The following UBE2E1 variants were observed in gnomAD, a reference collection of about 807,000 sequenced individuals.
UBE2E1 encodes the protein ubiquitin conjugating enzyme E2 E1.
Under a neutral mutation model 21.4 loss-of-function variants are expected in UBE2E1, and 6 were observed. That is an observed-to-expected ratio of 0.28 (90% confidence interval 0.15 to 0.55). The LOEUF (loss-of-function observed/expected upper bound fraction) is 0.55, where lower values mean the gene tolerates loss of function less well. UBE2E1 is among the 20% of genes least tolerant of loss of function. The pLI is 0.93. For missense variants in UBE2E1, 142 were observed against 236.5 expected, an observed-to-expected ratio of 0.60 and a Z score of 2.62; for synonymous variants, 87 against 82.7, an observed-to-expected ratio of 1.05 and a Z score of -0.28.
At chr3:23,884,001 C>T (rs1026504233) in intron 3 of UBE2E1, among the ~76,000 whole-genome samples, 7 of 152,050 alleles carry the variant, frequency 4.6e-5, no homozygotes, top group African/African-American at 1.7e-4. Flanking sequence ...TGAGGGCCCA[C>T]AGGTTAGGGA....
At chr3:23,815,070 T>A (rs1319122744) in intron 3 of UBE2E1, among the ~76,000 whole-genome samples, 2 of 152,160 alleles carry the variant, frequency 1.3e-5, no homozygotes, top group Non-Finnish European at 2.9e-5. Context: ...AGCCTTGACC[T>A]CCTGGGCTTA....
intron 3 of UBE2E1, among the ~76,000 whole-genome samples, chr3:23,874,432 G>A (rs1575033505): frequency 6.6e-6 from 1 of 152,330 alleles, no homozygotes; most frequent in Non-Finnish European, 1.5e-5. Context: ...AGAAGAGTCA[G>A]TTGTGCCCTG....
chr3:23,810,325 G>A lies in UBE2E1; in HGVS notation c.153-1135G>A, dbSNP rs1010640945. The A allele has an allele frequency of 2.9e-6, 3 of 1,048,416 alleles. No homozygotes were observed. Among genetic ancestry groups the A allele is most frequent in the Non-Finnish European group, 4.2e-6 (3 of 710,900 alleles). 64.9% of individuals were successfully genotyped at this position (1,048,416 alleles called of 1,614,324 possible). A position where few individuals can be genotyped will look rare whatever the true frequency, so the allele number is the denominator to read the frequency against. On this transcript the variant is annotated intron_variant, in intron 2 of 5. Transcript: ENST00000306627. This position sits in a 1 kb window ranked among gnomAD's most constrained non-coding sequence, Gnocchi z 5.8. The stretch of plus-strand genomic sequence containing the variant: ...ATTGATGCTCTAAGTGCCTAGGTAA[G>A]CAAAAGACAAAGGCCAGGGCTTGGT...
chr3:23,856,669 A>C (rs537827289), intron 3 of UBE2E1, among the ~76,000 whole-genome samples: 9 of 152,272 alleles, frequency 5.9e-5, no homozygotes, highest in East Asian at 3.9e-4. Flanking sequence ...ATACCACTCC[A>C]ATGGGAACTC....
At chr3:23,875,129 A>G (rs555163719) in intron 3 of UBE2E1, among the ~76,000 whole-genome samples, 4 of 152,162 alleles carry the variant, frequency 2.6e-5, no homozygotes, top group Non-Finnish European at 4.4e-5. Flanking sequence ...ATTTTTTTCA[A>G]TATTGGAATG....
At position 23,883,207 on chromosome 3, in the gene UBE2E1, A is replaced by G. The variant is rs578230221; in HGVS notation, c.204-4360A>G. ...TACCATTCTATGGTACACTTCAACC[A>G]GTATTTAAAATTAAAGTTGTATTTC... On this transcript the variant is annotated intron_variant, in intron 3 of 5. Coordinates refer to ENST00000306627, the MANE Select transcript of UBE2E1 (RefSeq NM_003341.5). Among the ~76,000 whole-genome samples, 13 of 152,338 alleles carry G rather than the reference A, an allele frequency of 8.5e-5. No homozygotes were observed. In the South Asian group the frequency reaches 2.3e-3, roughly 27 times the overall value.
chr3:23,881,855 C>T (rs561978212), intron 3 of UBE2E1, among the ~76,000 whole-genome samples: 2 of 152,234 alleles, frequency 1.3e-5, no homozygotes, highest in African/African-American at 4.8e-5. Flanking sequence ...CTGGTGGGTT[C>T]GTGGTCTCGC....
At chr3:23,857,529 G>T (rs987173547) in intron 3 of UBE2E1, among the ~76,000 whole-genome samples, 5 of 152,186 alleles carry the variant, frequency 3.3e-5, no homozygotes, top group African/African-American at 1.2e-4. Flanking sequence ...CTTTTGGGTT[G>T]CCTGTCAGAC....
At chr3:23,868,871 C>T (rs1700714672) in intron 3 of UBE2E1, among the ~76,000 whole-genome samples, 1 of 152,160 alleles carries the variant, frequency 6.6e-6, no homozygotes, top group Non-Finnish European at 1.5e-5. Flanking sequence ...TTGTTTCTTT[C>T]AATCCTTCTG....
intron 3 of UBE2E1, among the ~76,000 whole-genome samples, chr3:23,884,822 T>G (rs927833187): frequency 6.6e-6 from 1 of 152,218 alleles, no homozygotes; most frequent in African/African-American, 2.4e-5. Context: ...TGGTTCCTCA[T>G]CTGTAAAAAG....
At chr3:23,822,241 G>A (rs1247896668) in intron 3 of UBE2E1, among the ~76,000 whole-genome samples, 1 of 152,134 alleles carries the variant, frequency 6.6e-6, no homozygotes, top group East Asian at 1.9e-4. Context: ...TGTCAAACCT[G>A]GTTTAGAGGA....
At chr3:23,886,588 A>G (rs185545638) in intron 3 of UBE2E1, among the ~76,000 whole-genome samples, 34 of 152,186 alleles carry the variant, frequency 2.2e-4, no homozygotes, top group African/African-American at 7.9e-4. Flanking sequence ...CAAAAGAAAA[A>G]CCTGTGATGG....
chr3:23,818,747 T>C (rs978587850), intron 3 of UBE2E1, among the ~76,000 whole-genome samples: 5 of 152,120 alleles, frequency 3.3e-5, no homozygotes, highest in Non-Finnish European at 5.9e-5. Context: ...GTTTGGGTGA[T>C]GTTAAAGTGC....
At chr3:23,868,220 C>T (rs1700698219) in intron 3 of UBE2E1, among the ~76,000 whole-genome samples, 1 of 152,188 alleles carries the variant, frequency 6.6e-6, no homozygotes, top group African/African-American at 2.4e-5. Flanking sequence ...TAGTATCCCC[C>T]CCACCTTTCC....
chr3:23,806,219 G>C lies in UBE2E1; in HGVS notation c.-34+131G>C, dbSNP rs1049483512. ...GCAGGGCACGGGGCCGGCGCGGGGG[G>C]GGAGCGGAGAGGGGCTGGGGAGCCC... is the stretch of plus-strand genomic sequence containing the variant. On this transcript the variant is annotated intron_variant, in intron 1 of 5. Transcript: ENST00000306627. The surrounding 1 kb of genome is among the most constrained non-coding windows in gnomAD (Gnocchi z 6.5). 2 of 148,668 alleles carry C rather than the reference G, an allele frequency of 1.3e-5. No individual in the cohort carries two copies. The highest frequency in any genetic ancestry group is 3.0e-5 in the Non-Finnish European group (2 of 66,712). 9.2% of individuals were successfully genotyped at this position (148,668 alleles called of 1,614,324 possible). A position where few individuals can be genotyped will look rare whatever the true frequency, so the allele number is the denominator to read the frequency against.
chr3:23,810,378 G>A lies in UBE2E1; in HGVS notation c.153-1082G>A. The A allele has an allele frequency of 6.6e-7, 1 of 1,512,020 alleles. No homozygotes were observed. 93.7% of individuals were successfully genotyped at this position (1,512,020 alleles called of 1,614,324 possible). On this transcript the variant is annotated intron_variant, in intron 2 of 5. Transcript: ENST00000306627. This position sits in a 1 kb window ranked among gnomAD's most constrained non-coding sequence, Gnocchi z 5.8. Reference sequence around the variant, plus strand: ...GAACTGCCTGGTGGCTTCGGCCTATGAGTGGGGGATGGGGCCCTTTGTGAA... The same window carrying A: ...GAACTGCCTGGTGGCTTCGGCCTATAAGTGGGGGATGGGGCCCTTTGTGAA...
chr3:23,878,867 G>A, intron 3 of UBE2E1: 1 of 316,704 alleles, frequency 3.2e-6, no homozygotes, highest in South Asian at 2.8e-5. Context: ...TAGAAATAGA[G>A]TGCACAATAA....
chr3:23,808,777 C>G lies in UBE2E1; in HGVS notation c.152+1356C>G, dbSNP rs1234796272. The G allele has an allele frequency of 1.3e-5, 2 of 152,242 alleles. No homozygotes were observed. The highest frequency in any genetic ancestry group is 6.5e-5 in the Admixed American group (1 of 15,270). The allele number at this position is 152,242 out of a possible 1,614,324, so 9.4% of individuals were successfully genotyped here. A position where few individuals can be genotyped will look rare whatever the true frequency, so the allele number is the denominator to read the frequency against. On this transcript the variant is annotated intron_variant, in intron 2 of 5. Transcript: ENST00000306627. This position sits in a 1 kb window ranked among gnomAD's most constrained non-coding sequence, Gnocchi z 4.9. ...GTGCGGTTTTCCTGGAACCTGACAT[C>G]TACTCTGCCCACTTGGGACGGGCCC...
rs1699699687 is a variant in UBE2E1, at chr3:23,823,970, A to G, written c.203+12460A>G. Among the ~76,000 whole-genome samples the G allele has an allele frequency of 6.6e-6, 1 of 152,238 alleles. No individual in the cohort carries two copies. Among genetic ancestry groups the G allele is most frequent in the African/African-American group, 2.4e-5 (1 of 41,464 alleles). ...TAGCTTGGTATTCTGAGATGTTCTCACATCCAAAGTAAACACTGTCAAGTG... is the reference window on the plus strand; with the variant it reads ...TAGCTTGGTATTCTGAGATGTTCTCGCATCCAAAGTAAACACTGTCAAGTG... On this transcript the variant is annotated intron_variant, in intron 3 of 5. Transcript: ENST00000306627. This position sits in a 1 kb window ranked among gnomAD's most constrained non-coding sequence, Gnocchi z 4.2.
Sources: gnomAD v4.1 joint callset for allele counts (sites outside exome capture counted in the v4.1 genomes callset) on GRCh38, gnomAD v4.1.1 for gene constraint, Gnocchi (gnomAD v3.1) non-coding constraint, MANE v1.5 for transcripts, NCBI Gene and HGNC (gene_info 2026-07-23, HGNC 2026-07-21) for gene names.